PHEX: variants seen among roughly 807,000 people sequenced by gnomAD.
The protein encoded by PHEX is phosphate-regulating neutral endopeptidase PHEX.
Under a neutral mutation model 68.0 loss-of-function variants are expected in PHEX, and 16 were observed. The ratio of observed to expected loss-of-function variants is 0.24; its 90% CI spans 0.16 to 0.36. The LOEUF is 0.36. Among genes scored for constraint, PHEX ranks in the 10% least tolerant of loss-of-function variants. The pLI is 1.00. For synonymous variants in PHEX, 208 were observed against 205.1 expected, an observed-to-expected ratio of 1.01 and a Z score of -0.12; for missense variants, 480 against 575.5, an observed-to-expected ratio of 0.83 and a Z score of 1.70.
chrX:22,185,880 T>C (rs978242789), intron 14 of PHEX, among the ~76,000 whole-genome samples: 12 of 108,380 alleles, frequency 1.1e-4, no homozygotes, highest in Non-Finnish European at 1.9e-4. Flanking sequence ...CTCAGCCTCC[T>C]GAGTAGCTGA....
intron 6 of PHEX, among the ~76,000 whole-genome samples, chrX:22,091,359 A>G (rs1233027363): frequency 9.0e-6 from 1 of 111,644 alleles, no homozygotes; most frequent in Non-Finnish European, 1.9e-5. Context: ...AACCAGGCTC[A>G]AAATCGTCTC....
intron 14 of PHEX, among the ~76,000 whole-genome samples, chrX:22,187,990 G>GA (rs1301152928): frequency 1.8e-5 from 2 of 111,338 alleles, no homozygotes; most frequent in South Asian, 3.8e-4. Flanking sequence ...TTGCCATGGG[G>GA]AAAAACTGAT....
At chrX:22,155,823 T>C (rs909980548) in intron 12 of PHEX, among the ~76,000 whole-genome samples, 4 of 111,602 alleles carry the variant, frequency 3.6e-5, no homozygotes, top group Admixed American at 2.9e-4. Context: ...TTACTATTGG[T>C]TTTGAAAAAT....
intron 5 of PHEX, among the ~76,000 whole-genome samples, chrX:22,086,372 C>T (rs1184897607): frequency 8.9e-6 from 1 of 111,740 alleles, no homozygotes; most frequent in African/African-American, 3.3e-5. Flanking sequence ...ATGATGCCTT[C>T]TGTGGGTTAA....
At chrX:22,218,998 G>A in intron 16 of PHEX, 38 bp from the exon 17 acceptor site, 2 of 938,083 alleles carry the variant, frequency 2.1e-6, no homozygotes, top group Non-Finnish European at 3.1e-6. Context: ...TGAGATTCAT[G>A]CTTGTAATTG....
Position 22,096,967 on chromosome X carries a change from C to T in PHEX, c.862C>T (p.His288Tyr). 9.2e-6 allele frequency: 11 copies of T among 1,198,151 alleles called. No individual in the cohort carries two copies. Among genetic ancestry groups the T allele is most frequent in the Non-Finnish European group, 1.1e-5 (10 of 883,360 alleles). The change falls in exon 8 of 22, where the codon CAT becomes TAT. Residue 288 changes from histidine to tyrosine, a missense_variant. His to Tyr is a moderately conservative substitution (Grantham distance 83, BLOSUM62 2). Transcript: ENST00000379374. ...EIKIAEIMIP[H>Y]ENRTSEAMYN... ...CTCTTTTCAACAGATAATGATTCCA[C>T]ATGAAAACCGAACCAGCGAGGCCAT... is the stretch of plus-strand genomic sequence containing the variant.
At position 22,157,734 on chromosome X, in the gene PHEX, T is replaced by C. The variant is rs1932994280; in HGVS notation, c.1405-10578T>C. 2.7e-5 allele frequency among the ~76,000 whole-genome samples: 3 copies of C among 112,396 alleles called. No individual in the cohort carries two copies. In the Admixed American group the frequency reaches 2.8e-4, roughly 11 times the overall value. ...GTTTATAATTTGGAACATGCCTTCC[T>C]AGAATGTTGTCTATCTTAGAGAGTA... On this transcript the variant is annotated intron_variant, in intron 12 of 21. Coordinates refer to ENST00000379374, the MANE Select transcript of PHEX (RefSeq NM_000444.6).
intron 3 of PHEX, among the ~76,000 whole-genome samples, chrX:22,067,351 C>T (rs1355111911): frequency 1.8e-5 from 2 of 111,488 alleles, no homozygotes. Context: ...TGTGAATCAA[C>T]CCTCACATCA....
chrX:22,147,511 G>A (rs1405083627), intron 12 of PHEX, among the ~76,000 whole-genome samples: 1 of 110,188 alleles, frequency 9.1e-6, no homozygotes, highest in Non-Finnish European at 1.9e-5. Context: ...TGGAAAATGG[G>A]TGAAGAGAGA....
At chrX:22,137,901 G>A (rs73201137) in intron 12 of PHEX, among the ~76,000 whole-genome samples, 3,671 of 111,544 alleles carry the variant, frequency 0.033, 63 homozygotes, top group Middle Eastern at 0.06. Flanking sequence ...CCCAAAGGAC[G>A]GGGAATGACC....
chrX:22,200,478 T>A (rs1217407701), intron 15 of PHEX, among the ~76,000 whole-genome samples: 1 of 110,840 alleles, frequency 9.0e-6, no homozygotes, highest in East Asian at 2.8e-4. Context: ...GCATGGTGGC[T>A]GGTGCCTGTA....
At chrX:22,132,139 A>AC (rs1279582423) in intron 11 of PHEX, among the ~76,000 whole-genome samples, 2 of 111,509 alleles carry the variant, frequency 1.8e-5, no homozygotes, top group East Asian at 5.6e-4. Context: ...TCACTCTGTC[A>AC]CCCAGGCTGA....
chrX:22,222,494 G>A (rs1935301916), intron 18 of PHEX, among the ~76,000 whole-genome samples: 1 of 111,885 alleles, frequency 8.9e-6, no homozygotes, highest in Middle Eastern at 4.6e-3. Context: ...TGGATTTGTT[G>A]TAAGAATTAA....
intron 11 of PHEX, among the ~76,000 whole-genome samples, chrX:22,123,172 A>G (rs182697297): frequency 5.5e-5 from 6 of 108,199 alleles, no homozygotes; most frequent in Non-Finnish European, 1.1e-4. Context: ...TATTTTTTGT[A>G]GAGATGGGGC....
intron 14 of PHEX, among the ~76,000 whole-genome samples, chrX:22,187,782 T>C (rs1460227122): frequency 8.9e-6 from 1 of 111,883 alleles, no homozygotes; most frequent in Non-Finnish European, 1.9e-5. Context: ...GAAAAGAATA[T>C]GCATTTTATG....
chrX:22,041,787 G>A (rs1602247526), intron 2 of PHEX, among the ~76,000 whole-genome samples: 1 of 110,734 alleles, frequency 9.0e-6, no homozygotes, highest in South Asian at 3.8e-4. Context: ...ACACTTTTTT[G>A]TATGGAAGGC....
In PHEX at chrX:22,249,484, A is replaced by ATATATATATATATG. The variant is rs1569100404; in HGVS notation, c.*1534_*1535insATATATATATGTAT. The ATATATATATATATG allele has an allele frequency of 1.2e-5, 1 of 86,665 alleles. No homozygotes were observed. Among genetic ancestry groups the ATATATATATATATG allele is most frequent in the African/African-American group, 4.9e-5 (1 of 20,463 alleles). 7.1% of individuals were successfully genotyped at this position (86,665 alleles called of 1,213,427 possible). On this transcript the variant is annotated 3_prime_UTR_variant, in exon 22 of 22. Coordinates refer to ENST00000379374, the MANE Select transcript of PHEX (RefSeq NM_000444.6). ...TATATATATATATATATATATATAT[A>ATATATATATATATG]TATGTATATCTACCTAAGTGTGTGC...
In PHEX at chrX:22,036,035, CATAT is replaced by C. The variant is rs766728299; in HGVS notation, c.119-2417_119-2414del. 4.1e-3 allele frequency among the ~76,000 whole-genome samples: 172 copies of C among 41,856 alleles called. 6 individuals are homozygous for C. Among genetic ancestry groups the C allele is most frequent in the African/African-American group, 0.014 (158 of 11,490 alleles). 36.3% of individuals were successfully genotyped at this position (41,856 alleles called of 115,157 possible). A position where few individuals can be genotyped will look rare whatever the true frequency, so the allele number is the denominator to read the frequency against. On this transcript the variant is annotated intron_variant, in intron 1 of 21. Transcript: ENST00000379374. The stretch of plus-strand genomic sequence containing the variant: ...ACACACACACACACACACACACGTA[CATAT>C]ATATATATATATATATTTTTTTTTT...
At chrX:22,106,458 G>A (rs1197269241) in intron 9 of PHEX, among the ~76,000 whole-genome samples, 2 of 111,595 alleles carry the variant, frequency 1.8e-5, no homozygotes, top group East Asian at 5.6e-4. Flanking sequence ...TCTGTGACTG[G>A]CCAGGAAATC....
Sources: allele counts gnomAD v4.1 joint callset (sites outside exome capture counted in the v4.1 genomes callset), GRCh38; gene constraint gnomAD v4.1.1; transcripts MANE v1.5; gene names NCBI Gene and HGNC (gene_info 2026-07-23, HGNC 2026-07-21).